Variants in TET1 observed in about 807,000 individuals in gnomAD.
TET1 encodes the protein methylcytosine dioxygenase TET1.
Under a neutral mutation model 148.7 loss-of-function variants are expected in TET1, and 13 were observed. That is an observed-to-expected ratio of 0.09 (90% confidence interval 0.06 to 0.14). TET1 has a LOEUF of 0.14. TET1 is among the 10% of genes least tolerant of loss of function. The probability of loss-of-function intolerance (pLI) is 1.00; values close to 1 mark genes in which losing one functional copy is unlikely to be tolerated. For synonymous variants in TET1, 907 were observed against 937.2 expected, an observed-to-expected ratio of 0.97 and a Z score of 0.59; for missense variants, 2,182 against 2,553.8, an observed-to-expected ratio of 0.85 and a Z score of 3.14.
intron 3 of TET1, among the ~76,000 whole-genome samples, chr10:68,635,270 AT>A (rs1214428808): frequency 6.6e-6 from 1 of 151,994 alleles, no homozygotes; most frequent in Non-Finnish European, 1.5e-5. Context: ...TTTCCTTTAA[AT>A]AAGTCAGTTC....
chr10:68,681,437 A>G lies in TET1; in HGVS notation c.4863A>G (p.Thr1621=), dbSNP rs1456946796. 1 of 1,613,920 alleles carries G rather than the reference A, an allele frequency of 6.2e-7. No individual in the cohort carries two copies. The highest frequency in any genetic ancestry group is 1.7e-5 in the Admixed American group (1 of 60,004). ...AAGATAACTTACAGAGTTTGGCTAC[A>G]CGATTAGCTCCAATTTATAAGCAGT... is the stretch of plus-strand genomic sequence containing the variant. ...NLEDNLQSLA[T]RLAPIYKQYA... Residue 1621 remains threonine, a synonymous_variant, in exon 9 of 12, where the codon ACA becomes ACG. Coordinates refer to ENST00000373644, the MANE Select transcript of TET1 (RefSeq NM_030625.3).
At chr10:68,643,845 AAAAT>A (rs1291646269) in intron 3 of TET1, among the ~76,000 whole-genome samples, 9 of 152,172 alleles carry the variant, frequency 5.9e-5, no homozygotes, top group African/African-American at 2.2e-4. Context: ...CATAAAATAA[AAAAT>A]AAATAAAATA....
At chr10:68,582,016 T>C (rs2053803889) in intron 2 of TET1, among the ~76,000 whole-genome samples, 1 of 152,158 alleles carries the variant, frequency 6.6e-6, no homozygotes. Flanking sequence ...ATATTTACTC[T>C]GGTTAATGTA....
intron 2 of TET1, among the ~76,000 whole-genome samples, chr10:68,590,865 T>C (rs1403526804): frequency 6.6e-6 from 1 of 152,176 alleles, no homozygotes; most frequent in Non-Finnish European, 1.5e-5. Flanking sequence ...TTCTCTTTTC[T>C]CTTTTTTGAG....
chr10:68,612,624 T>C (rs1453692353), intron 3 of TET1, among the ~76,000 whole-genome samples: 1 of 152,122 alleles, frequency 6.6e-6, no homozygotes, highest in Admixed American at 6.6e-5. Flanking sequence ...TTTTTTGTTT[T>C]TGTTTTGTTT....
chr10:68,615,356 C>CTTTTTTTTTTTT (rs71019038), intron 3 of TET1, among the ~76,000 whole-genome samples: 17,371 of 144,122 alleles, frequency 0.12, 1,341 homozygotes, highest in South Asian at 0.21. Context: ...CTTTTCTTTT[C>CTTTTTTTTTTTT]TTTTTTTGAG....
intron 3 of TET1, among the ~76,000 whole-genome samples, chr10:68,610,817 G>T (rs1431507774): frequency 6.6e-6 from 1 of 151,818 alleles, no homozygotes; most frequent in Non-Finnish European, 1.5e-5. Flanking sequence ...CACCAATCCC[G>T]CCTAATTTTT....
intron 1 of TET1, among the ~76,000 whole-genome samples, chr10:68,570,111 T>G (rs2053651292): frequency 1.3e-5 from 2 of 152,090 alleles, no homozygotes; most frequent in South Asian, 4.1e-4. Context: ...TCTTTTTTTT[T>G]TCTTTTTTTT....
At chr10:68,582,986 C>T (rs2053818185) in intron 2 of TET1, among the ~76,000 whole-genome samples, 1 of 152,154 alleles carries the variant, frequency 6.6e-6, no homozygotes, top group African/African-American at 2.4e-5. Context: ...GATTCTGACC[C>T]ATGGGTGTTA....
intron 3 of TET1, among the ~76,000 whole-genome samples, chr10:68,615,126 T>C (rs1468873025): frequency 6.6e-6 from 1 of 151,740 alleles, no homozygotes; most frequent in African/African-American, 2.4e-5. Flanking sequence ...GTAGAGATGG[T>C]TTCACCATGT....
intron 8 of TET1, chr10:68,675,074 T>G (rs938550802): frequency 1.8e-6 from 1 of 565,446 alleles, no homozygotes; most frequent in African/African-American, 2.0e-5. Flanking sequence ...AACGAGCTGA[T>G]GGATATGAAC....
In TET1 at chr10:68,573,482, G is replaced by C; in HGVS notation, c.1144G>C (p.Asp382His). Residue 382 changes from aspartate (D) to histidine (H), a missense_variant, in exon 2 of 12, where the codon GAC (aspartate) becomes CAC (histidine). Transcript: ENST00000373644. ...IPHQWELPGA[D>H]PVHGEALGET... is the part of the protein sequence containing the mutation. ...ACATCAATGGGAACTTCCTGGTGCT[G>C]ACCCAGTTCATGGTGAGGCCCTGGG... 1 of 1,614,178 alleles carries C rather than the reference G, an allele frequency of 6.2e-7. No homozygotes were observed. Among genetic ancestry groups the C allele is most frequent in the South Asian group, 1.1e-5 (1 of 91,086 alleles).
rs780786378 is a variant in TET1, at chr10:68,667,206, A to G, written c.4623A>G (p.Leu1541=). ...DRLYTELTEN[L]KSYNGHPTDR... is the part of the protein sequence containing the mutation. ...TATACACAGAGCTCACAGAGAATCT[A>G]AAGTCATACAATGGGCACCCTACCG... is the stretch of plus-strand genomic sequence containing the variant. Residue 1541 remains leucine (L), a synonymous_variant, in exon 7 of 12, where the codon CTA becomes CTG. Coordinates refer to ENST00000373644, the MANE Select transcript of TET1 (RefSeq NM_030625.3). 3.1e-6 allele frequency: 5 copies of G among 1,614,000 alleles called. No individual in the cohort carries two copies. In the African/African-American group the frequency reaches 4.0e-5, roughly 13 times the overall value.
chr10:68,675,052 G>A, intron 8 of TET1: 1 of 533,724 alleles, frequency 1.9e-6, no homozygotes, highest in South Asian at 1.9e-5. Flanking sequence ...GACAAAACAG[G>A]TGCTAAAGTA....
At chr10:68,593,833 C>T (rs2053947076) in intron 2 of TET1, among the ~76,000 whole-genome samples, 1 of 151,492 alleles carries the variant, frequency 6.6e-6, no homozygotes, top group African/African-American at 2.4e-5. Flanking sequence ...TGGCTGGTCT[C>T]CAACTCCTGA....
At chr10:68,656,094 G>T (rs900520863) in intron 6 of TET1, among the ~76,000 whole-genome samples, 1 of 152,068 alleles carries the variant, frequency 6.6e-6, no homozygotes, top group African/African-American at 2.4e-5. Context: ...AGATGGGACC[G>T]TCTAGTTTTA....
rs1424545277 is a variant in TET1, at chr10:68,646,337, C to T, written c.3608C>T (p.Pro1203Leu). 6.2e-7 allele frequency: 1 copy of T among 1,614,070 alleles called. No individual in the cohort carries two copies. The highest frequency in any genetic ancestry group is 1.1e-5 in the South Asian group (1 of 91,074). The change falls in exon 4 of 12, where the codon CCA becomes CTA. Residue 1203 changes from proline (P) to leucine (L), a missense_variant. By Grantham distance (98) the Pro-to-Leu change is moderately conservative. Transcript: ENST00000373644. Reference sequence around the variant, plus strand: ...TTTCAAAATTTTGGGCAATTTTGTCCACATGATTTTCCTACTGTATTTGGG... The same window carrying T: ...TTTCAAAATTTTGGGCAATTTTGTCTACATGATTTTCCTACTGTATTTGGG... ...SKFQNFGQFC[P>L]HDFPTVFGKI...
At position 68,673,163 on chromosome 10, in the gene TET1, A is replaced by G. The variant is rs2055297854; in HGVS notation, c.4824+118A>G. 5 of 647,096 alleles carry G rather than the reference A, an allele frequency of 7.7e-6. No homozygotes were observed. The East Asian group carries it at 1.6e-4, about 21-fold the overall frequency. The allele number at this position is 647,096 out of a possible 1,614,324, so 40.1% of individuals were successfully genotyped here. ...AACTAAATATTGAAAAGTAGTAATC[A>G]AATAGTAAAATTATATTTCTATTAT... On this transcript the variant is annotated intron_variant, in intron 8 of 11. Coordinates refer to ENST00000373644, the MANE Select transcript of TET1 (RefSeq NM_030625.3).
intron 7 of TET1, among the ~76,000 whole-genome samples, chr10:68,668,850 G>C (rs1314459915): frequency 1.3e-5 from 2 of 152,112 alleles, no homozygotes; most frequent in Non-Finnish European, 2.9e-5. Context: ...TGGGAATGAT[G>C]GCATATGCCT....
Sources: gnomAD v4.1 joint callset for allele counts (sites outside exome capture counted in the v4.1 genomes callset) on GRCh38, gnomAD v4.1.1 for gene constraint, MANE v1.5 for transcripts, NCBI Gene and HGNC (gene_info 2026-07-23, HGNC 2026-07-21) for gene names.